The following SDK2 variants were observed in gnomAD, a reference collection of about 807,000 sequenced individuals.
The protein encoded by SDK2 is sidekick cell adhesion molecule 2.
Under a neutral mutation model 253.9 loss-of-function variants are expected in SDK2, and 105 were observed. That is an observed-to-expected ratio of 0.41 (90% confidence interval 0.35 to 0.49). The LOEUF is 0.49. SDK2 is among the 20% of genes least tolerant of loss of function. SDK2 has a pLI of 0.06. For synonymous variants in SDK2, 1,249 were observed against 1,234.9 expected (o/e 1.01, Z -0.24); for missense variants, 2,608 against 3,003.0 (o/e 0.87, Z 3.07).
intron 1 of SDK2, among the ~76,000 whole-genome samples, chr17:73,606,945 A>G (rs2045916057): frequency 6.6e-6 from 1 of 152,086 alleles, no homozygotes; most frequent in African/African-American, 2.4e-5. Context: ...GGCTTCCAAG[A>G]TGGAAAAGCA....
At position 73,415,038 on chromosome 17, in the gene SDK2, TA is replaced by T. The variant is rs1409211314; in HGVS notation, c.2369-280del. 6.6e-5 allele frequency among the ~76,000 whole-genome samples: 10 copies of T among 152,348 alleles called. No homozygotes were observed. In the South Asian group the frequency reaches 1.4e-3, roughly 22 times the overall value. ...CTGGCATGGTTTTCAGGTGGAATGC[TA>T]AAAGTAAGCTGTTTCATGATCTACT... On this transcript the variant is annotated intron_variant, in intron 17 of 44. Coordinates refer to ENST00000392650, the MANE Select transcript of SDK2 (RefSeq NM_001144952.2).
At chr17:73,506,663 A>G (rs534418133) in intron 2 of SDK2, among the ~76,000 whole-genome samples, 3 of 152,328 alleles carry the variant, frequency 2.0e-5, no homozygotes, top group Admixed American at 1.3e-4. Flanking sequence ...GGGATTAATC[A>G]CCAGCCACAG....
intron 15 of SDK2, among the ~76,000 whole-genome samples, chr17:73,420,752 T>G (rs949029119): frequency 1.3e-5 from 2 of 152,148 alleles, no homozygotes; most frequent in Admixed American, 6.5e-5. Flanking sequence ...TTCACCTCAC[T>G]GCAACCTCCG....
intron 1 of SDK2, among the ~76,000 whole-genome samples, chr17:73,554,354 C>T (rs1039895732): frequency 6.6e-6 from 1 of 152,188 alleles, no homozygotes; most frequent in African/African-American, 2.4e-5. Flanking sequence ...CAGAATGCAA[C>T]TAAATTTGGA....
chr17:73,359,444 G>T (rs986704752), intron 39 of SDK2, among the ~76,000 whole-genome samples: 1 of 152,188 alleles, frequency 6.6e-6, no homozygotes, highest in Non-Finnish European at 1.5e-5. Context: ...GGTCAGGTGG[G>T]GTGGACACGC....
At chr17:73,573,430 C>G (rs1000480680) in intron 1 of SDK2, among the ~76,000 whole-genome samples, 2 of 152,124 alleles carry the variant, frequency 1.3e-5, no homozygotes, top group Non-Finnish European at 2.9e-5. Context: ...CTCTGCACCC[C>G]CTTCCCAACC....
intron 1 of SDK2, among the ~76,000 whole-genome samples, chr17:73,508,086 C>G (rs1424401720): frequency 6.6e-6 from 1 of 152,252 alleles, no homozygotes; most frequent in African/African-American, 2.4e-5. Flanking sequence ...CTCAAAGTGT[C>G]AATCACAGAG....
At position 73,541,585 on chromosome 17, in the gene SDK2, G is replaced by A. The variant is rs529925243; in HGVS notation, c.65-33988C>T. On this transcript the variant is annotated intron_variant, in intron 1 of 44. Coordinates refer to ENST00000392650, the MANE Select transcript of SDK2 (RefSeq NM_001144952.2). This position sits in a 1 kb window ranked among gnomAD's most constrained non-coding sequence, Gnocchi z 4.3. ...CATGGCGACTTCAAGGCCAGAGCTCGCCCCACCCTCCCTCCGTCTCTCCCT... is the reference window on the plus strand; with the variant it reads ...CATGGCGACTTCAAGGCCAGAGCTCACCCCACCCTCCCTCCGTCTCTCCCT... Among the ~76,000 whole-genome samples the A allele has an allele frequency of 2.0e-5, 3 of 151,554 alleles. No individual in the cohort carries two copies. Among genetic ancestry groups the A allele is most frequent in the Admixed American group, 6.6e-5 (1 of 15,210 alleles).
intron 1 of SDK2, 87 bp from the exon 2 acceptor site, chr17:73,507,684 G>T: frequency 7.3e-7 from 1 of 1,371,200 alleles, no homozygotes; most frequent in Non-Finnish European, 9.8e-7. Context: ...CCCTTAGGCA[G>T]ATGGAGCAGG....
chr17:73,625,472 G>A (rs1366057714), intron 1 of SDK2, among the ~76,000 whole-genome samples: 2 of 152,136 alleles, frequency 1.3e-5, no homozygotes, highest in African/African-American at 2.4e-5. Context: ...GAGAGGGGAG[G>A]GGAACACCTG....
At chr17:73,351,112 CTTT>C (rs11320990) in intron 41 of SDK2, among the ~76,000 whole-genome samples, 14 of 146,058 alleles carry the variant, frequency 9.6e-5, no homozygotes, top group Non-Finnish European at 1.2e-4. Context: ...ACTTTTTCCC[CTTT>C]TTTTTTTTTT....
rs2063587741 is a variant in SDK2 at position 73,465,039 on chromosome 17, C to A, written c.331+7073G>T. On this transcript the variant is annotated intron_variant, in intron 3 of 44. Transcript: ENST00000392650. This position sits in a 1 kb window ranked among gnomAD's most constrained non-coding sequence, Gnocchi z 4.2. ...TTGTTTCCTGAGTGATTTGAATACT[C>A]AGGTAACATGAGTGCTCCAGAAAGA... Among the ~76,000 whole-genome samples the A allele has an allele frequency of 6.6e-6, 1 of 152,248 alleles. No homozygotes were observed. Among genetic ancestry groups the A allele is most frequent in the South Asian group, 2.1e-4 (1 of 4,826 alleles).
chr17:73,452,427 G>A (rs906282559), intron 4 of SDK2, among the ~76,000 whole-genome samples: 1 of 152,142 alleles, frequency 6.6e-6, no homozygotes, highest in African/African-American at 2.4e-5. Context: ...CTATCATGTA[G>A]GTGGTAGGAA....
intron 1 of SDK2, among the ~76,000 whole-genome samples, chr17:73,636,871 TATG>T (rs2046338934): frequency 6.6e-6 from 1 of 152,146 alleles, no homozygotes; most frequent in Admixed American, 6.5e-5. Flanking sequence ...AACAAGTGCT[TATG>T]ATATGTCAGG....
At chr17:73,491,416 AGGCT>A (rs2063805629) in intron 2 of SDK2, among the ~76,000 whole-genome samples, 1 of 139,064 alleles carries the variant, frequency 7.2e-6, no homozygotes, top group Non-Finnish European at 1.5e-5. Context: ...TCTGTCACCC[AGGCT>A]GGAGTACAGT....
rs940586590 is a variant in SDK2, at chr17:73,338,851, G to A, written c.6255C>T (p.Asn2085=). The A allele has an allele frequency of 2.5e-6, 4 of 1,613,898 alleles. No individual in the cohort carries two copies. The highest frequency in any genetic ancestry group is 2.2e-5 in the East Asian group (1 of 44,892). ...NHYISDPTYY[N]SWRRQQKGIS... is the part of the protein sequence containing the mutation. ...TGCCCTTCTGCTGTCGCCGCCACGA[G>A]TTGTAGTATGTGGGGTCACTGATGT... The change falls in exon 45 of 45, where the codon AAC becomes AAT. Residue 2085 remains asparagine (N), a synonymous_variant. Transcript: ENST00000392650. This position sits in a 1 kb window ranked among gnomAD's most constrained non-coding sequence, Gnocchi z 5.0.
At chr17:73,414,794 G>T in intron 17 of SDK2, 35 bp from the exon 18 acceptor site, 1 of 1,353,258 alleles carries the variant, frequency 7.4e-7, no homozygotes, top group South Asian at 1.2e-5. Context: ...GGGGTGGAGG[G>T]GGCCCAGTCA....
At chr17:73,510,720 C>G (rs2063973517) in intron 1 of SDK2, among the ~76,000 whole-genome samples, 1 of 152,128 alleles carries the variant, frequency 6.6e-6, no homozygotes, top group South Asian at 2.1e-4. Context: ...TCTTGAACTC[C>G]TGACCTCAAA....
chr17:73,547,382 G>C (rs1359878694), intron 1 of SDK2, among the ~76,000 whole-genome samples: 1 of 152,258 alleles, frequency 6.6e-6, no homozygotes, highest in African/African-American at 2.4e-5. Context: ...AAGACACGGA[G>C]GCTTTGGGCT....
Sources: gnomAD v4.1 joint callset for allele counts (sites outside exome capture counted in the v4.1 genomes callset) on GRCh38, gnomAD v4.1.1 for gene constraint, Gnocchi (gnomAD v3.1) non-coding constraint, MANE v1.5 for transcripts, NCBI Gene and HGNC (gene_info 2026-07-23, HGNC 2026-07-21) for gene names.